Variants in DIAPH3 observed in about 807,000 individuals in gnomAD.
The protein encoded by DIAPH3 is protein diaphanous homolog 3.
Under a neutral mutation model 144.3 loss-of-function variants are expected in DIAPH3, and 117 were observed. The observed-to-expected ratio is 0.81, with a 90% CI of 0.70 to 0.95. The LOEUF is 0.95. Ranked by LOEUF, DIAPH3 falls within the 40% of genes least tolerant of loss-of-function variation. The pLI is 0.00. For missense variants in DIAPH3, 1,421 were observed against 1,412.7 expected, an observed-to-expected ratio of 1.01 and a Z score of -0.09; for synonymous variants, 519 against 488.9, an observed-to-expected ratio of 1.06 and a Z score of -0.81.
chr13:60,152,931 G>A (rs1322330753), intron 1 of DIAPH3, among the ~76,000 whole-genome samples: 1 of 151,928 alleles, frequency 6.6e-6, no homozygotes, highest in East Asian at 1.9e-4. Flanking sequence ...GTCATCTCTG[G>A]GTACCCCAAA....
At chr13:59,714,284 C>T (rs1043309347) in intron 27 of DIAPH3, among the ~76,000 whole-genome samples, 3 of 146,950 alleles carry the variant, frequency 2.0e-5, no homozygotes, top group East Asian at 2.0e-4. Flanking sequence ...GGCGTGAACC[C>T]GGGAGGCGGA....
chr13:59,820,886 A>C (rs1007523021), intron 24 of DIAPH3, among the ~76,000 whole-genome samples: 1 of 151,568 alleles, frequency 6.6e-6, no homozygotes, highest in African/African-American at 2.4e-5. Context: ...ATCGTACTTC[A>C]TCTCTATTTC....
intron 27 of DIAPH3, among the ~76,000 whole-genome samples, chr13:59,688,700 T>C (rs1157747664): frequency 6.6e-6 from 1 of 152,064 alleles, no homozygotes; most frequent in Non-Finnish European, 1.5e-5. Flanking sequence ...AGTGAAATCA[T>C]GCTTCATAAG....
chr13:59,970,940 G>T lies in DIAPH3; in HGVS notation c.1871C>A (p.Ser624Tyr), dbSNP rs375644162. 1.3e-5 allele frequency: 21 copies of T among 1,613,644 alleles called. No homozygotes were observed. The African/African-American group carries it at 2.3e-4, about 17-fold the overall frequency. Residue 624 changes from serine (S) to tyrosine (Y), a missense_variant, in exon 16 of 28, where the codon TCT (serine) becomes TAT (tyrosine). Physicochemically the swap from Ser to Tyr is moderately radical, Grantham distance 144. Transcript: ENST00000400324. ...AAATGGCAGGATTGGTAGAGGAGGA[G>T]AATTTTGTCCTCCAAGGAATCCCAG... ...PPLGFLGGQN[S>Y]PPLPILPFGL...
chr13:60,069,447 G>A (rs564826339), intron 4 of DIAPH3, among the ~76,000 whole-genome samples: 1 of 152,128 alleles, frequency 6.6e-6, no homozygotes, highest in East Asian at 1.9e-4. Flanking sequence ...TCTCTTGATG[G>A]TTTCTTTTGC....
intron 27 of DIAPH3, among the ~76,000 whole-genome samples, chr13:59,699,739 G>T (rs1312512214): frequency 6.6e-6 from 1 of 152,168 alleles, no homozygotes; most frequent in Non-Finnish European, 1.5e-5. Flanking sequence ...TAGAATGATA[G>T]GCTTACATGG....
At chr13:59,808,854 C>T (rs1043321184) in intron 25 of DIAPH3, among the ~76,000 whole-genome samples, 2 of 152,074 alleles carry the variant, frequency 1.3e-5, no homozygotes, top group African/African-American at 2.4e-5. Context: ...ACTGAAAGAA[C>T]AGTGTGCAGA....
chr13:59,988,540 G>C (rs1297169390), intron 12 of DIAPH3, among the ~76,000 whole-genome samples: 2 of 151,712 alleles, frequency 1.3e-5, no homozygotes, highest in Non-Finnish European at 2.9e-5. Context: ...TCACTGGGGA[G>C]GCAATACTAT....
rs542715430 is a variant in DIAPH3 at position 59,668,530 on chromosome 13, C to T, written c.3320-1684G>A. Among the ~76,000 whole-genome samples the T allele has an allele frequency of 5.3e-3, 805 of 152,190 alleles. 3 individuals carry two copies. The highest frequency in any genetic ancestry group is 9.0e-3 in the Non-Finnish European group (610 of 67,994). Reference sequence around the variant, plus strand: ...TGAAATGTGTGTGTGCGTGTGTGCGCGTGTCCATGTATGCACTCCAAGAAA... The same window carrying T: ...TGAAATGTGTGTGTGCGTGTGTGCGTGTGTCCATGTATGCACTCCAAGAAA... On this transcript the variant is annotated intron_variant, in intron 27 of 27. Coordinates refer to ENST00000400324, the MANE Select transcript of DIAPH3 (RefSeq NM_001042517.2).
At position 59,772,410 on chromosome 13, in the gene DIAPH3, G is replaced by C. The variant is rs184315473; in HGVS notation, c.3319+1779C>G. ...GTAGGAATTCATCACATTTATATTAGAACAGAGAATTTGAACTTTGTGATA... is the reference window on the plus strand; with the variant it reads ...GTAGGAATTCATCACATTTATATTACAACAGAGAATTTGAACTTTGTGATA... On this transcript the variant is annotated intron_variant, in intron 27 of 27. Transcript: ENST00000400324. Among the ~76,000 whole-genome samples the C allele has an allele frequency of 7.9e-5, 12 of 152,140 alleles. No homozygotes were observed. In the East Asian group the frequency reaches 2.1e-3, roughly 27 times the overall value.
At chr13:59,727,465 A>G (rs2035659002) in intron 27 of DIAPH3, among the ~76,000 whole-genome samples, 1 of 152,166 alleles carries the variant, frequency 6.6e-6, no homozygotes, top group Admixed American at 6.5e-5. Context: ...ATATGGATAA[A>G]TGTGTGGGTT....
chr13:59,902,645 G>A (rs758156215), intron 20 of DIAPH3, among the ~76,000 whole-genome samples: 19 of 152,002 alleles, frequency 1.2e-4, no homozygotes, highest in African/African-American at 2.2e-4. Context: ...GCATGGTGGC[G>A]CACACCTGTA....
chr13:59,692,411 C>T (rs1039339414), intron 27 of DIAPH3, among the ~76,000 whole-genome samples: 2 of 149,604 alleles, frequency 1.3e-5, no homozygotes, highest in Non-Finnish European at 3.0e-5. Flanking sequence ...CACCCCCAAC[C>T]CCCCCATCCC....
intron 23 of DIAPH3, among the ~76,000 whole-genome samples, chr13:59,836,133 G>A (rs968669295): frequency 2.6e-5 from 4 of 151,756 alleles, no homozygotes; most frequent in Admixed American, 2.6e-4. Context: ...AGAGGGAGTA[G>A]GAAGAAAATA....
intron 3 of DIAPH3, among the ~76,000 whole-genome samples, chr13:60,101,850 C>A (rs1188036129): frequency 1.3e-5 from 2 of 152,148 alleles, no homozygotes; most frequent in African/African-American, 4.8e-5. Flanking sequence ...CAGTAAAAAC[C>A]TCCAGTTTCT....
At chr13:59,908,393 A>AAAAAAAAAG (rs1555331342) in intron 20 of DIAPH3, among the ~76,000 whole-genome samples, 8 of 111,244 alleles carry the variant, frequency 7.2e-5, no homozygotes, top group Non-Finnish European at 1.2e-4. Context: ...AAAAAAAAAA[A>AAAAAAAAAG]AGTAAGACAT....
intron 20 of DIAPH3, among the ~76,000 whole-genome samples, chr13:59,882,381 C>A (rs561656339): frequency 1.3e-5 from 2 of 152,170 alleles, no homozygotes; most frequent in African/African-American, 4.8e-5. Context: ...TGAGCCACTG[C>A]GCCCAGCCCT....
At chr13:59,799,484 T>C (rs2039793226) in intron 25 of DIAPH3, among the ~76,000 whole-genome samples, 1 of 151,950 alleles carries the variant, frequency 6.6e-6, no homozygotes, top group African/African-American at 2.4e-5. Flanking sequence ...TAAATTAAAC[T>C]GCATTTATAG....
At chr13:60,132,080 T>G (rs1327470646) in intron 2 of DIAPH3, among the ~76,000 whole-genome samples, 1 of 152,222 alleles carries the variant, frequency 6.6e-6, no homozygotes, top group Non-Finnish European at 1.5e-5. Context: ...TAAATATGCT[T>G]TTCTTAGGTA....
Sources: gnomAD v4.1 joint callset for allele counts (sites outside exome capture counted in the v4.1 genomes callset) on GRCh38, gnomAD v4.1.1 for gene constraint, MANE v1.5 for transcripts, NCBI Gene and HGNC (gene_info 2026-07-23, HGNC 2026-07-21) for gene names.